The following TDP1 variants were observed in gnomAD, a reference collection of about 807,000 sequenced individuals.
TDP1 encodes the protein tyrosyl-DNA phosphodiesterase 1.
A neutral mutation model predicts 81.5 loss-of-function variants in TDP1; 64 were observed. That is an observed-to-expected ratio of 0.79 (90% CI 0.64 to 0.97). TDP1 has a LOEUF of 0.97. Among genes scored for constraint, TDP1 ranks in the 50% least tolerant of loss-of-function variants. TDP1 has a pLI of 0.00. For missense variants in TDP1, 723 were observed against 743.8 expected (o/e 0.97, Z 0.33); for synonymous variants, 256 against 264.3 (o/e 0.97, Z 0.30).
At chr14:89,955,998 A>G (rs1453536787) in intron 1 of TDP1, 28 bp downstream of exon 1, 1 of 152,544 alleles carries the variant, frequency 6.6e-6, no homozygotes, top group Admixed American at 6.5e-5. Context: ...GTGGGCGCGG[A>G]CTCGGTGCGG....
intron 2 of TDP1, among the ~76,000 whole-genome samples, chr14:89,957,594 A>C (rs1001723342): frequency 6.6e-6 from 1 of 152,196 alleles, no homozygotes; most frequent in Admixed American, 6.5e-5. Context: ...TGGAGGTGAA[A>C]GAGAAATGCC....
rs576199518 is a variant in TDP1 at position 90,032,457 on chromosome 14, A to G, written c.1645-649A>G. Among the ~76,000 whole-genome samples, 164 of 152,224 alleles carry G rather than the reference A, an allele frequency of 1.1e-3. 1 individual carries two copies. Among genetic ancestry groups the G allele is most frequent in the African/African-American group, 3.7e-3 (155 of 41,530 alleles). On this transcript the variant is annotated intron_variant, in intron 15 of 16. Transcript: ENST00000335725. ...AATGTATGGAAGCACGAGGGGGCACATCGGTCATGTGGTAAGCACCTGCAC... is the reference window on the plus strand; with the variant it reads ...AATGTATGGAAGCACGAGGGGGCACGTCGGTCATGTGGTAAGCACCTGCAC...
intron 8 of TDP1, among the ~76,000 whole-genome samples, chr14:89,980,933 A>T (rs939303424): frequency 5.3e-5 from 8 of 152,218 alleles, no homozygotes; most frequent in African/African-American, 1.9e-4. Flanking sequence ...GAGAAGTGGC[A>T]TCATATACAC....
chr14:90,014,737 G>T (rs1372747987), intron 14 of TDP1, among the ~76,000 whole-genome samples: 5 of 152,148 alleles, frequency 3.3e-5, no homozygotes, highest in African/African-American at 1.2e-4. Context: ...CACCCTTGGG[G>T]ACTTGTACAT....
chr14:90,042,923 G>A (rs1888503169), intron 16 of TDP1, 147 bp from the exon 17 acceptor site: 2 of 1,535,912 alleles, frequency 1.3e-6, no homozygotes, highest in Non-Finnish European at 1.7e-6. Flanking sequence ...GCTGTTGTCT[G>A]AAGGGGGAGA....
In TDP1 at chr14:89,989,060, T is replaced by C; in HGVS notation, c.1287T>C (p.Thr429=). 1.9e-6 allele frequency: 3 copies of C among 1,614,104 alleles called. No homozygotes were observed. The highest frequency in any genetic ancestry group is 2.5e-6 in the Non-Finnish European group (3 of 1,179,976). The change falls in exon 11 of 17, where the codon ACT becomes ACC. Residue 429 remains threonine, a synonymous_variant. Coordinates refer to ENST00000335725, the MANE Select transcript of TDP1 (RefSeq NM_018319.4). Reference sequence around the variant, plus strand: ...TGACACTGGGGAAGGAAAGCAAGACTCCAGGAAAAAGCTCTGTTCCTCTTT... The same window carrying C: ...TGACACTGGGGAAGGAAAGCAAGACCCCAGGAAAAAGCTCTGTTCCTCTTT... ...SMLTLGKESK[T]PGKSSVPLYL... is the part of the protein sequence containing the mutation.
At chr14:89,981,825 G>A (rs74987392) in intron 8 of TDP1, among the ~76,000 whole-genome samples, 1 of 152,140 alleles carries the variant, frequency 6.6e-6, no homozygotes, top group African/African-American at 2.4e-5. Context: ...AACTGGGACT[G>A]CAGGCACGTA....
At chr14:90,013,642 T>C (rs1884980815) in intron 14 of TDP1, among the ~76,000 whole-genome samples, 1 of 152,034 alleles carries the variant, frequency 6.6e-6, no homozygotes, top group African/African-American at 2.4e-5. Flanking sequence ...TACAAGTAGA[T>C]ACAGTTAAAA....
intron 16 of TDP1, chr14:90,033,523 A>G (rs1013482658): frequency 5.3e-6 from 2 of 380,466 alleles, no homozygotes; most frequent in Non-Finnish European, 1.0e-5. Flanking sequence ...TCTACTGAGC[A>G]CCATAGCTTA....
chr14:89,971,691 A>G (rs1318358569), intron 6 of TDP1, among the ~76,000 whole-genome samples: 2 of 152,178 alleles, frequency 1.3e-5, no homozygotes, highest in African/African-American at 4.8e-5. Context: ...TCTTTCCGCA[A>G]CCTGCTAGTG....
In TDP1 at chr14:89,985,211, G is replaced by A; in HGVS notation, c.1131+1G>A. 6.3e-7 allele frequency: 1 copy of A among 1,586,984 alleles called. No individual in the cohort carries two copies. Among genetic ancestry groups the A allele is most frequent in the Non-Finnish European group, 8.6e-7 (1 of 1,159,376 alleles). ...TTGGGGACATTTTAGACTTAAGAAGGTAACAGAACTTTTACTATTTTAACA... is the reference window on the plus strand; with the variant it reads ...TTGGGGACATTTTAGACTTAAGAAGATAACAGAACTTTTACTATTTTAACA... On this transcript the variant is annotated splice_donor_variant, in intron 10 of 16. Transcript: ENST00000335725. LOFTEE classifies it high-confidence loss of function.
chr14:90,031,579 C>T (rs1260445029), intron 15 of TDP1, among the ~76,000 whole-genome samples: 1 of 151,986 alleles, frequency 6.6e-6, no homozygotes, highest in African/African-American at 2.4e-5. Flanking sequence ...ACTGCTTGAA[C>T]CCGGGTGGCA....
At position 89,988,896 on chromosome 14, in the gene TDP1, C is replaced by A. The variant is rs765121534; in HGVS notation, c.1132-9C>A. On this transcript the variant is annotated splice_polypyrimidine_tract_variant and intron_variant, in intron 10 of 16. Transcript: ENST00000335725. ...AGTCACTTTAACATTCACTTTTATTCTTTCCCAGCTTCTGAAAGACCATGC... is the reference window on the plus strand; with the variant it reads ...AGTCACTTTAACATTCACTTTTATTATTTCCCAGCTTCTGAAAGACCATGC... 10 of 1,613,858 alleles carry A rather than the reference C, an allele frequency of 6.2e-6. No individual in the cohort carries two copies. The highest frequency in any genetic ancestry group is 8.5e-6 in the Non-Finnish European group (10 of 1,179,904).
intron 14 of TDP1, among the ~76,000 whole-genome samples, chr14:90,017,695 AC>A (rs1885478162): frequency 1.3e-5 from 2 of 152,236 alleles, no homozygotes; most frequent in Non-Finnish European, 2.9e-5. Context: ...AACACCTCAG[AC>A]CCACTGGTTG....
chr14:90,004,319 TTGAGA>T, intron 14 of TDP1, among the ~76,000 whole-genome samples: 1 of 152,262 alleles, frequency 6.6e-6, no homozygotes, highest in Middle Eastern at 3.4e-3. Context: ...CACATCTGGC[TTGAGA>T]TGAGGAGGTG....
intron 3 of TDP1, chr14:89,965,065 A>G: frequency 5.5e-6 from 1 of 180,846 alleles, no homozygotes; most frequent in Non-Finnish European, 1.2e-5. Flanking sequence ...AAAGATGGGT[A>G]AAATTTAGAA....
At chr14:90,038,492 G>A (rs1888035960) in intron 16 of TDP1, among the ~76,000 whole-genome samples, 1 of 152,194 alleles carries the variant, frequency 6.6e-6, no homozygotes, top group Admixed American at 6.5e-5. Context: ...GGGAAACTAA[G>A]TTGATTGGAT....
intron 16 of TDP1, among the ~76,000 whole-genome samples, chr14:90,037,591 T>C (rs968686313): frequency 6.6e-6 from 1 of 152,246 alleles, no homozygotes; most frequent in Non-Finnish European, 1.5e-5. Flanking sequence ...GCACACTCTT[T>C]ACCCAAGTTC....
At chr14:89,986,232 G>T (rs147283204) in intron 10 of TDP1, among the ~76,000 whole-genome samples, 2,220 of 152,336 alleles carry the variant, frequency 0.015, 28 homozygotes, top group Non-Finnish European at 0.022. Flanking sequence ...CAGCACATTG[G>T]CCTGTGCCCA....
Sources: allele counts gnomAD v4.1 joint callset (sites outside exome capture counted in the v4.1 genomes callset), GRCh38; gene constraint gnomAD v4.1.1; transcripts MANE v1.5; gene names NCBI Gene and HGNC (gene_info 2026-07-23, HGNC 2026-07-21).